Variants in LILRB3 observed in about 807,000 individuals in gnomAD.
LILRB3 encodes leukocyte immunoglobulin like receptor B3.
LILRB3 carries 32 observed loss-of-function variants against 68.2 expected under a neutral mutation model. That is an observed-to-expected ratio of 0.47 (90% CI 0.35 to 0.63). LILRB3 has a LOEUF of 0.63. Among genes scored for constraint, LILRB3 ranks in the 30% least tolerant of loss-of-function variants. The pLI, the probability that LILRB3 is intolerant of heterozygous loss-of-function variation, is 0.00. For synonymous variants in LILRB3, 185 were observed against 323.1 expected (o/e 0.57, Z 4.58); for missense variants, 502 against 791.3 (o/e 0.63, Z 4.39).
chr19:54,219,944 G>C (rs8101337), intron 7 of LILRB3: 303,860 of 1,073,696 alleles, frequency 0.28, 76,074 homozygotes, highest in East Asian at 0.47. Flanking sequence ...GGAGGTGAAG[G>C]CTGGGGCTGT....
At chr19:54,218,800 C>A in exon 9 of LILRB3, 2 of 1,614,134 alleles carry the variant, frequency 1.2e-6, no homozygotes, top group African/African-American at 2.7e-5. Context: ...TCTGTCTCCG[C>A]AGCCCCTGCA....
chr19:54,218,735 G>T, intron 9 of LILRB3, 28 bp downstream of exon 9: 1 of 1,614,096 alleles, frequency 6.2e-7, no homozygotes. Flanking sequence ...TGGTGGGTGG[G>T]AGTCTGTGGT....
At chr19:54,218,885 C>A (rs777354212) in intron 8 of LILRB3, 47 bp from the exon 9 acceptor site, 2 of 1,612,322 alleles carry the variant, frequency 1.2e-6, no homozygotes, top group East Asian at 4.5e-5. Flanking sequence ...ATTAGAACTC[C>A]CATTCTACAC....
chr19:54,220,092 C>T lies in LILRB3; in HGVS notation c.1309+63G>A, dbSNP rs1600870559. On this transcript the variant is annotated intron_variant, in intron 7 of 12. Transcript: ENST00000445347. ...GTCCTTGAGGGGAGGGGAGTGGGAT[C>T]CTTTGGGAGACTCAGACTGCCCTGG... 2 of 1,503,236 alleles carry T rather than the reference C, an allele frequency of 1.3e-6. 1 individual carries two copies. The highest frequency in any genetic ancestry group is 4.3e-5 in the Admixed American group (2 of 46,170). The allele number at this position is 1,503,236 out of a possible 1,614,324, so 93.1% of individuals were successfully genotyped here.
At chr19:54,219,879 GC>G in intron 7 of LILRB3, 1 of 1,549,488 alleles carries the variant, frequency 6.5e-7, no homozygotes, top group Non-Finnish European at 8.7e-7. Flanking sequence ...CATTCTGAGG[GC>G]CTGACCCTGG....
chr19:54,216,995 C>G, exon 13 of LILRB3: 2 of 1,597,604 alleles, frequency 1.3e-6, no homozygotes, highest in Non-Finnish European at 1.7e-6. Flanking sequence ...GGGGTCCAGG[C>G]TGACTGGGGT....
Position 54,218,345 on chromosome 19 carries a change from C to G in LILRB3, c.1593+16G>C, listed in dbSNP as rs183780145. The stretch of plus-strand genomic sequence containing the variant: ...ACCAGGAGGCCTTTGGTGCCTGGGA[C>G]GGGGCGGGATCTCACCTGACTGTCC... On this transcript the variant is annotated intron_variant, in intron 11 of 12. Coordinates refer to ENST00000445347, the Ensembl canonical transcript of LILRB3. 33 of 1,613,730 alleles carry G rather than the reference C, an allele frequency of 2.0e-5. No homozygotes were observed. Among genetic ancestry groups the G allele is most frequent in the Non-Finnish European group, 2.7e-5 (32 of 1,179,982 alleles).
At chr19:54,219,595 A>T (rs2077876630) in intron 7 of LILRB3, 23 of 1,544,454 alleles carry the variant, frequency 1.5e-5, no homozygotes, top group East Asian at 2.4e-5. Flanking sequence ...GGTCACCGTC[A>T]CTGCTGCAGG....
At chr19:54,218,929 T>TAAGGG in intron 8 of LILRB3, 91 bp from the exon 9 acceptor site, 1 of 1,587,946 alleles carries the variant, frequency 6.3e-7, no homozygotes, top group South Asian at 1.1e-5. Flanking sequence ...AAACTAAAAA[T>TAAGGG]ATTCCTGCAT....
In LILRB3 at chr19:54,220,669, C is replaced by T. The variant is rs145725393; in HGVS notation, c.1117G>A (p.Gly373Arg). 2.8e-4 allele frequency: 426 copies of T among 1,510,252 alleles called. 7 individuals carry two copies. In the South Asian group the frequency reaches 3.2e-3, roughly 11 times the overall value. 93.6% of individuals were successfully genotyped at this position (1,510,252 alleles called of 1,614,324 possible). ...AATTCAGCCTGGTACTTATGAGCTC[C>T]GTACATTGATCTCAGACGCAGTGGG... Residue 373 changes from glycine (G) to arginine (R), a missense_variant, in exon 6 of 13, where the codon GGA (glycine) becomes AGA (arginine). Gly to Arg is a moderately radical substitution (Grantham distance 125). Around this residue, in one of 8 missense-constraint regions of LILRB3, gnomAD observed 77 missense variants for 152.8 expected, o/e 0.50. Transcript: ENST00000445347.
exon 12 of LILRB3, chr19:54,217,429 T>C (rs759909947): frequency 6.2e-7 from 1 of 1,609,064 alleles, no homozygotes; most frequent in East Asian, 2.2e-5. Flanking sequence ...CTGGAGTGTT[T>C]CACCGGGGCA....
At chr19:54,222,854 T>C (rs2078343870) in intron 1 of LILRB3, 72 bp from the exon 2 acceptor site, 7 of 1,612,444 alleles carry the variant, frequency 4.3e-6, no homozygotes, top group Middle Eastern at 1.6e-4. Context: ...CCTCCTGAGC[T>C]TTTGAGGTCT....
intron 8 of LILRB3, 34 bp downstream of exon 8, chr19:54,219,095 G>A (rs987794423): frequency 6.4e-6 from 10 of 1,556,328 alleles, no homozygotes; most frequent in Admixed American, 6.0e-5. Context: ...GCCCACCCTC[G>A]GTCGACCCAT....
intron 7 of LILRB3, chr19:54,219,716 A>G (rs2077893930): frequency 2.0e-6 from 2 of 980,428 alleles, no homozygotes; most frequent in East Asian, 2.3e-4. Flanking sequence ...TCCCACCCAC[A>G]GGCCTCTCTC....
intron 11 of LILRB3, 84 bp downstream of exon 11, chr19:54,218,277 C>T (rs1209195550): frequency 3.0e-5 from 47 of 1,564,342 alleles, no homozygotes; most frequent in East Asian, 4.5e-5. Flanking sequence ...TGCTGAGAGC[C>T]GGGGGAAGGA....
intron 4 of LILRB3, 175 bp from the exon 5 acceptor site, chr19:54,221,554 C>A (rs2078178736): frequency 6.9e-7 from 1 of 1,458,726 alleles, no homozygotes; most frequent in Non-Finnish European, 9.0e-7. Context: ...GTCTCCCTAG[C>A]CCTGGCCACT....
chr19:54,219,158 C>T lies in LILRB3; in HGVS notation c.1397G>A (p.Arg466His), dbSNP rs760395790. Residue 466 changes from arginine (R) to histidine (H), a missense_variant, in exon 8 of 13, where the codon CGT (arginine) becomes CAT (histidine). Physicochemically the swap from Arg to His is conservative, Grantham distance 29. Coordinates refer to ENST00000445347, the Ensembl canonical transcript of LILRB3. ...TGTCCTGTGTTTGCTGTGACGCTGA[C>T]GGAGGAGGAGGAGGAAGAGGAGGAG... 79 of 1,545,826 alleles carry T rather than the reference C, an allele frequency of 5.1e-5. 2 individuals carry two copies. In the South Asian group the frequency reaches 5.1e-4, roughly 10 times the overall value.
At chr19:54,219,576 C>G in intron 7 of LILRB3, 2 of 1,548,400 alleles carry the variant, frequency 1.3e-6, no homozygotes, top group Admixed American at 3.9e-5. Flanking sequence ...GCTCCCCTCC[C>G]CTGCCCCAGG....
At chr19:54,219,370 T>G in intron 7 of LILRB3, 125 bp from the exon 8 acceptor site, 1 of 1,459,238 alleles carries the variant, frequency 6.9e-7, no homozygotes, top group Non-Finnish European at 9.4e-7. Flanking sequence ...AACATGGAAT[T>G]GCCACCCGTA....
Sources: gnomAD v4.1 joint callset for allele counts on GRCh38, gnomAD v4.1.1 for gene constraint, gnomAD v4.1.1 regional missense constraint, MANE v1.5 for transcripts, NCBI Gene and HGNC (gene_info 2026-07-23, HGNC 2026-07-21) for gene names.